Variants in GAMT observed in about 807,000 individuals in gnomAD.
GAMT encodes epididymis secretory protein Li 20.
GAMT carries 26 observed loss-of-function variants against 26.9 expected under a neutral mutation model. The observed-to-expected ratio is 0.97, with a 90% CI of 0.71 to 1.34. The LOEUF is 1.34. Ranked by LOEUF, GAMT falls within the 40% of genes most tolerant of loss-of-function variation. The probability of loss-of-function intolerance (pLI) is 0.00; values close to 1 mark genes in which losing one functional copy is unlikely to be tolerated. For synonymous variants in GAMT, 169 were observed against 149.6 expected (o/e 1.13, Z -0.95); for missense variants, 412 against 345.0 (o/e 1.19, Z -1.54).
intron 5 of GAMT, chr19:1,398,618 T>C: frequency 1.1e-6 from 1 of 876,336 alleles, no homozygotes; most frequent in Non-Finnish European, 1.7e-6. Flanking sequence ...TGTATTTTTT[T>C]TTTTTAGGAA....
intron 5 of GAMT, 175 bp from the exon 6 acceptor site, chr19:1,397,674 G>A: frequency 7.2e-7 from 1 of 1,380,338 alleles, no homozygotes; most frequent in Non-Finnish European, 9.7e-7. Context: ...GGAATCTCCA[G>A]CTCCCCAGTG....
chr19:1,398,726 G>C lies in GAMT; in HGVS notation c.570+190C>G, dbSNP rs560198649. On this transcript the variant is annotated intron_variant, in intron 5 of 5. Coordinates refer to ENST00000252288, the MANE Select transcript of GAMT (RefSeq NM_000156.6). ...TCCACAGTGCTGGGATTATAGACCTGAGCCACTGCTCCTGGCAGCCACTGC... is the reference window on the plus strand; with the variant it reads ...TCCACAGTGCTGGGATTATAGACCTCAGCCACTGCTCCTGGCAGCCACTGC... The C allele has an allele frequency of 3.9e-6, 6 of 1,542,270 alleles. No individual in the cohort carries two copies. In the Admixed American group the frequency reaches 1.2e-4, roughly 30 times the overall value.
chr19:1,399,191 G>T lies in GAMT; in HGVS notation c.396C>A (p.Ile132=), dbSNP rs200500835. The change falls in exon 4 of 6, where the codon ATC becomes ATA. Residue 132 remains isoleucine, a synonymous_variant. Transcript: ENST00000252288. This position sits in a 1 kb window ranked among gnomAD's most constrained non-coding sequence, Gnocchi z 6.2. The part of the protein sequence containing the change: ...PTLPDGHFDG[I]LYDTYPLSEE... ...CCGAGAGTGGGTACGTGTCGTACAGGATCCCTGCACGGAGAACAGAAGCCC... is the reference window on the plus strand; with the variant it reads ...CCGAGAGTGGGTACGTGTCGTACAGTATCCCTGCACGGAGAACAGAAGCCC... 127 of 1,613,468 alleles carry T rather than the reference G, an allele frequency of 7.9e-5. 1 individual carries two copies. The highest frequency in any genetic ancestry group is 6.6e-4 in the Middle Eastern group (4 of 6,084).
At chr19:1,398,149 G>A in intron 5 of GAMT, 1 of 926,520 alleles carries the variant, frequency 1.1e-6, no homozygotes, top group South Asian at 4.8e-5. Context: ...CCAGGCTGGA[G>A]TACAACGGTG....
rs1569005923 is a variant in GAMT, at chr19:1,399,374, C to T, written c.391+150G>A. ...TCCAGGGCCCCTCCGTGAGCATGCCCATCCCCGGTGCTCCGCCATCCCACA... is the reference window on the plus strand; with the variant it reads ...TCCAGGGCCCCTCCGTGAGCATGCCTATCCCCGGTGCTCCGCCATCCCACA... On this transcript the variant is annotated intron_variant, in intron 3 of 5. Transcript: ENST00000252288. The surrounding 1 kb of genome is among the most constrained non-coding windows in gnomAD (Gnocchi z 6.2). The T allele has an allele frequency of 9.9e-7, 1 of 1,007,986 alleles. No individual in the cohort carries two copies. The highest frequency in any genetic ancestry group is 1.5e-6 in the Non-Finnish European group (1 of 659,556). The allele number at this position is 1,007,986 out of a possible 1,614,324, so 62.4% of individuals were successfully genotyped here.
intron 1 of GAMT, among the ~76,000 whole-genome samples, chr19:1,400,904 G>A (rs1256946672): frequency 6.6e-6 from 1 of 152,196 alleles, no homozygotes; most frequent in African/African-American, 2.4e-5. Flanking sequence ...TCTTAGCCGG[G>A]CGAGTCGGGG....
rs570476209 is a variant in GAMT at position 1,399,536 on chromosome 19, C to T, written c.379G>A (p.Gly127Ser). Reference protein sequence around the residue: ...WEDVAPTLPDGHFDGILYDTY... With the variant: ...WEDVAPTLPDSHFDGILYDTY... ...CCTCACCCCTCACCATCAAAGTGAC[C>T]GTCAGGCAGGGTGGGTGCCACATCC... Residue 127 changes from glycine (G) to serine (S), a missense_variant, in exon 3 of 6, where the codon GGT becomes AGT. By Grantham distance (56) the Gly-to-Ser change is moderately conservative (BLOSUM62 0). Transcript: ENST00000252288. The surrounding 1 kb of genome is among the most constrained non-coding windows in gnomAD (Gnocchi z 6.2). The T allele has an allele frequency of 2.0e-5, 32 of 1,612,992 alleles. No homozygotes were observed. Among genetic ancestry groups the T allele is most frequent in the Admixed American group, 1.2e-4 (7 of 59,926 alleles).
rs374490220 is a variant in GAMT at position 1,399,598 on chromosome 19, G to A, written c.328-11C>T. The A allele has an allele frequency of 8.1e-6, 13 of 1,611,280 alleles. No homozygotes were observed. The highest frequency in any genetic ancestry group is 1.7e-4 in the Middle Eastern group (1 of 6,058). On this transcript the variant is annotated splice_polypyrimidine_tract_variant and intron_variant, in intron 2 of 5. Transcript: ENST00000252288. This position sits in a 1 kb window ranked among gnomAD's most constrained non-coding sequence, Gnocchi z 6.2. ...TTTCAAGGGGATGACCTTGCAGAGG[G>A]GAAAAGAAAAAGAGAGGACAGGGTA...
intron 1 of GAMT, among the ~76,000 whole-genome samples, chr19:1,400,885 G>C (rs922344545): frequency 2.0e-5 from 3 of 152,182 alleles, no homozygotes; most frequent in African/African-American, 7.2e-5. Flanking sequence ...TCAGCTTTCC[G>C]AGTGCTATTC....
At chr19:1,398,063 T>C (rs1172927057) in intron 5 of GAMT, 3 of 997,740 alleles carry the variant, frequency 3.0e-6, no homozygotes, top group East Asian at 1.1e-4. Context: ...CCATGGGAGG[T>C]TGTTGAGCTG....
rs659455 is a variant in GAMT, at chr19:1,397,213, T to G, written c.*146A>C. 0.025 allele frequency: 23,189 copies of G among 943,388 alleles called. 1,640 individuals carry two copies. Among genetic ancestry groups the G allele is most frequent in the African/African-American group, 0.22 (13,329 of 61,362 alleles). 58.4% of individuals were successfully genotyped at this position (943,388 alleles called of 1,614,324 possible). ...GGTGACACACAGCTGGGATCAGCCC[T>G]GGGCTGGTGGGACCCCTCACAGAGA... On this transcript the variant is annotated 3_prime_UTR_variant, in exon 6 of 6. Transcript: ENST00000252288.
At chr19:1,398,078 G>A in intron 5 of GAMT, 1 of 996,782 alleles carries the variant, frequency 1.0e-6, no homozygotes, top group Non-Finnish European at 1.2e-6. Context: ...GAGCTGGTGA[G>A]GGACTTTGAT....
rs1190730933 is a variant in GAMT, at chr19:1,397,265, A to G, written c.*94T>C. 12 of 1,435,006 alleles carry G rather than the reference A, an allele frequency of 8.4e-6. No homozygotes were observed. The highest frequency in any genetic ancestry group is 1.4e-5 in the African/African-American group (1 of 71,022). The allele number at this position is 1,435,006 out of a possible 1,614,324, so 88.9% of individuals were successfully genotyped here. A position where few individuals can be genotyped will look rare whatever the true frequency, so the allele number is the denominator to read the frequency against. On this transcript the variant is annotated 3_prime_UTR_variant, in exon 6 of 6. Coordinates refer to ENST00000252288, the MANE Select transcript of GAMT (RefSeq NM_000156.6). ...GCCGGGAAAGCTTCTGGTGACACAC[A>G]GCTGGGATCAGCCCAGGGCTGGTGC...
chr19:1,399,533 G>T lies in GAMT; in HGVS notation c.382C>A (p.His128Asn), dbSNP rs951148418. 1.9e-6 allele frequency: 3 copies of T among 1,612,982 alleles called. No homozygotes were observed. Among genetic ancestry groups the T allele is most frequent in the Non-Finnish European group, 2.5e-6 (3 of 1,179,700 alleles). Residue 128 changes from histidine to asparagine, a missense_variant, in exon 3 of 6, where the codon CAC (histidine) becomes AAC (asparagine). Transcript: ENST00000252288. This position sits in a 1 kb window ranked among gnomAD's most constrained non-coding sequence, Gnocchi z 6.2. Reference sequence around the variant, plus strand: ...TCCCCTCACCCCTCACCATCAAAGTGACCGTCAGGCAGGGTGGGTGCCACA... The same window carrying T: ...TCCCCTCACCCCTCACCATCAAAGTTACCGTCAGGCAGGGTGGGTGCCACA... ...EDVAPTLPDG[H>N]FDGILYDTYP...
intron 1 of GAMT, 89 bp downstream of exon 1, chr19:1,401,207 G>C (rs886389145): frequency 8.8e-7 from 1 of 1,132,158 alleles, no homozygotes. Context: ...CCCGGCGGGA[G>C]GGTGGGCTGC....
intron 5 of GAMT, 144 bp downstream of exon 5, chr19:1,398,772 T>C (rs1464328576): frequency 5.8e-6 from 9 of 1,550,326 alleles, no homozygotes; most frequent in Non-Finnish European, 7.8e-6. Flanking sequence ...GGACTTTGAT[T>C]TCTAAATGAA....
Position 1,399,086 on chromosome 19 carries a change from C to T in GAMT, c.459+42G>A, listed in dbSNP as rs1323246823. 2 of 1,613,260 alleles carry T rather than the reference C, an allele frequency of 1.2e-6. No individual in the cohort carries two copies. Among genetic ancestry groups the T allele is most frequent in the Non-Finnish European group, 1.7e-6 (2 of 1,179,952 alleles). ...GGTGGGGGTGTGGGCAGAGGGGCTT[C>T]CCCGAGGGCCTCCCGCATCCCAGCA... On this transcript the variant is annotated intron_variant, in intron 4 of 5. Coordinates refer to ENST00000252288, the MANE Select transcript of GAMT (RefSeq NM_000156.6). The surrounding 1 kb of genome is among the most constrained non-coding windows in gnomAD (Gnocchi z 6.2).
rs746633494 is a variant in GAMT at position 1,397,463 on chromosome 19, G to A, written c.607C>T (p.Arg203Trp). 2.4e-5 allele frequency: 38 copies of A among 1,608,584 alleles called. No homozygotes were observed. The highest frequency in any genetic ancestry group is 1.6e-4 in the Middle Eastern group (1 of 6,084). The change falls in exon 6 of 6, where the codon CGG (arginine) becomes TGG (tryptophan). Residue 203 changes from arginine to tryptophan, a missense_variant. Physicochemically the swap from Arg to Trp is moderately radical, Grantham distance 101. Coordinates refer to ENST00000252288, the MANE Select transcript of GAMT (RefSeq NM_000156.6). ...ACCTCCGTACGGATGTTCTCCCTCC[G>A]GAAGCCGGCCTCCAGCAGCGCGGGC... The part of the protein sequence containing the change: ...QVPALLEAGF[R>W]RENIRTEVMA...
intron 5 of GAMT, 161 bp downstream of exon 5, chr19:1,398,752 GCCA>G (rs1419719207): frequency 6.5e-7 from 1 of 1,547,374 alleles, no homozygotes; most frequent in African/African-American, 1.4e-5. Context: ...CAGCCACTGC[GCCA>G]GGCAAAGGAC....
Sources: allele counts gnomAD v4.1 joint callset (sites outside exome capture counted in the v4.1 genomes callset), GRCh38; gene constraint gnomAD v4.1.1; non-coding constraint Gnocchi (gnomAD v3.1); transcripts MANE v1.5; gene names NCBI Gene and HGNC (gene_info 2026-07-23, HGNC 2026-07-21).